SDK1: variants seen among roughly 807,000 people sequenced by gnomAD.
The protein encoded by SDK1 is sidekick cell adhesion molecule 1, also known as protein sidekick-1.
Under a neutral mutation model 245.5 loss-of-function variants are expected in SDK1, and 157 were observed. The observed-to-expected ratio is 0.64, with a 90% CI of 0.56 to 0.73. The LOEUF (loss-of-function observed/expected upper bound fraction) is 0.73. Ranked by LOEUF, SDK1 falls within the 30% of genes least tolerant of loss-of-function variation. The pLI is 0.00. For synonymous variants in SDK1, 1,647 were observed against 1,278.5 expected (o/e 1.29, Z -6.15); for missense variants, 3,583 against 3,002.3 (o/e 1.19, Z -4.52).
At chr7:3,489,872 T>C (rs17133426) in intron 1 of SDK1, among the ~76,000 whole-genome samples, 34,713 of 152,186 alleles carry the variant, frequency 0.23, 4,355 homozygotes, top group East Asian at 0.34. Flanking sequence ...TGCTGAATTA[T>C]GGGATGCTGT....
In SDK1 at chr7:4,223,781, A is replaced by G. The variant is rs182938979; in HGVS notation, c.5827+2417A>G. On this transcript the variant is annotated intron_variant, in intron 40 of 44. Transcript: ENST00000404826. Reference sequence around the variant, plus strand: ...GGGGGGCAGAGACATAATTCAATGCATAATATTAGCTAAGAAACCACATAA... The same window carrying G: ...GGGGGGCAGAGACATAATTCAATGCGTAATATTAGCTAAGAAACCACATAA... Among the ~76,000 whole-genome samples, 647 of 152,346 alleles carry G rather than the reference A, an allele frequency of 4.2e-3. 27 individuals are homozygous for G. The highest frequency in any genetic ancestry group is 0.039 in the Admixed American group (599 of 15,302).
At chr7:3,321,317 G>A (rs1408307866) in intron 1 of SDK1, among the ~76,000 whole-genome samples, 1 of 152,166 alleles carries the variant, frequency 6.6e-6, no homozygotes. Context: ...TTTCTTCAGA[G>A]CACATAACGT....
intron 4 of SDK1, among the ~76,000 whole-genome samples, chr7:3,688,382 A>C (rs1206737986): frequency 1.3e-5 from 2 of 152,228 alleles, no homozygotes; most frequent in African/African-American, 4.8e-5. Context: ...AAGTTAGTTA[A>C]TCTTTTGAGG....
intron 1 of SDK1, among the ~76,000 whole-genome samples, chr7:3,612,529 C>G (rs1316682128): frequency 1.3e-5 from 2 of 152,166 alleles, no homozygotes; most frequent in African/African-American, 4.8e-5. Flanking sequence ...GATCTTCTAC[C>G]CACATTTCTC....
At chr7:3,586,479 C>T (rs928289307) in intron 1 of SDK1, among the ~76,000 whole-genome samples, 3 of 151,078 alleles carry the variant, frequency 2.0e-5, no homozygotes, top group South Asian at 2.1e-4. Context: ...GGGTGGATCA[C>T]GAGGTCAGGA....
At chr7:3,380,046 C>G (rs552906878) in intron 1 of SDK1, among the ~76,000 whole-genome samples, 3 of 152,254 alleles carry the variant, frequency 2.0e-5, no homozygotes, top group Non-Finnish European at 4.4e-5. Flanking sequence ...AAAACGTTGT[C>G]TGTGAGAGGT....
At chr7:4,201,624 C>T (rs77810621) in intron 35 of SDK1, among the ~76,000 whole-genome samples, 7,378 of 152,344 alleles carry the variant, frequency 0.048, 234 homozygotes, top group African/African-American at 0.092. Flanking sequence ...GCTCTAGCCA[C>T]AGCAGATGCC....
chr7:3,700,295 A>G (rs1005443142), intron 4 of SDK1, among the ~76,000 whole-genome samples: 6 of 152,328 alleles, frequency 3.9e-5, no homozygotes, highest in African/African-American at 9.6e-5. Flanking sequence ...AAGCAGAAAT[A>G]TAGATAAATA....
intron 5 of SDK1, among the ~76,000 whole-genome samples, chr7:3,919,573 C>T (rs1324856769): frequency 2.0e-5 from 3 of 152,130 alleles, no homozygotes; most frequent in East Asian, 1.9e-4. Context: ...TCCATAATGT[C>T]GAGGCATTGA....
chr7:3,400,166 C>T (rs183352818), intron 1 of SDK1, among the ~76,000 whole-genome samples: 13 of 151,742 alleles, frequency 8.6e-5, no homozygotes, highest in African/African-American at 2.9e-4. Flanking sequence ...AGGGAGGCTG[C>T]TGGTTCTTAG....
chr7:3,309,814 A>G (rs774225095), intron 1 of SDK1, among the ~76,000 whole-genome samples: 2 of 152,150 alleles, frequency 1.3e-5, no homozygotes, highest in East Asian at 3.8e-4. Flanking sequence ...TTTTTACTCT[A>G]TGTAGAATTT....
intron 40 of SDK1, among the ~76,000 whole-genome samples, chr7:4,232,131 C>G (rs1785816191): frequency 6.7e-6 from 1 of 149,458 alleles, no homozygotes; most frequent in African/African-American, 2.5e-5. Flanking sequence ...GTGTGAGGCA[C>G]TGTCCTAAGC....
intron 4 of SDK1, among the ~76,000 whole-genome samples, chr7:3,737,378 C>T (rs7802557): frequency 0.12 from 17,846 of 152,222 alleles, 1,534 homozygotes; most frequent in African/African-American, 0.24. Flanking sequence ...TGCAGGGGGG[C>T]GTCCACTGTG....
intron 4 of SDK1, among the ~76,000 whole-genome samples, chr7:3,675,676 C>G (rs989499702): frequency 1.3e-5 from 2 of 152,100 alleles, no homozygotes; most frequent in Non-Finnish European, 2.9e-5. Context: ...CGGTCTCAAG[C>G]CATCCACTTA....
chr7:3,933,258 G>A (rs940404019), intron 5 of SDK1, among the ~76,000 whole-genome samples: 1 of 149,226 alleles, frequency 6.7e-6, no homozygotes, highest in Non-Finnish European at 1.5e-5. Context: ...CTACAGGCTT[G>A]CACCACCACT....
intron 4 of SDK1, among the ~76,000 whole-genome samples, chr7:3,815,433 T>C (rs1779483023): frequency 1.3e-5 from 2 of 148,910 alleles, no homozygotes; most frequent in East Asian, 3.9e-4. Flanking sequence ...TTTGCGTATA[T>C]TGAACCAGCC....
At chr7:3,644,620 G>T (rs561561684) in intron 4 of SDK1, among the ~76,000 whole-genome samples, 3 of 151,112 alleles carry the variant, frequency 2.0e-5, no homozygotes, top group South Asian at 4.2e-4. Flanking sequence ...AAAAAAAATA[G>T]CTGGGTGTGG....
chr7:3,969,386 A>G lies in SDK1; in HGVS notation c.1676A>G (p.Glu559Gly). 5 of 1,608,268 alleles carry G rather than the reference A, an allele frequency of 3.1e-6. No individual in the cohort carries two copies. In the South Asian group the frequency reaches 4.5e-5, roughly 14 times the overall value. ...TACACCTGCTATGCGGCCAACACAGAGGGCTCCCTGAATGCATCGGCCACG... is the reference window on the plus strand; with the variant it reads ...TACACCTGCTATGCGGCCAACACAGGGGGCTCCCTGAATGCATCGGCCACG... ...GNYTCYAANT[E>G]GSLNASATLT... Residue 559 changes from glutamate (E) to glycine (G), a missense_variant, in exon 11 of 45, where the codon GAG (glutamate) becomes GGG (glycine). Transcript: ENST00000404826.
chr7:4,035,458 G>A (rs1414565033), intron 17 of SDK1, among the ~76,000 whole-genome samples: 1 of 152,050 alleles, frequency 6.6e-6, no homozygotes, highest in African/African-American at 2.4e-5. Flanking sequence ...TGTACTCTAA[G>A]GACAAAGAAA....
Sources: allele counts gnomAD v4.1 joint callset (sites outside exome capture counted in the v4.1 genomes callset), GRCh38; gene constraint gnomAD v4.1.1; transcripts MANE v1.5; gene names NCBI Gene and HGNC (gene_info 2026-07-23, HGNC 2026-07-21).